Variants in RPRD1A observed in about 807,000 individuals in gnomAD.
The protein encoded by RPRD1A is regulation of nuclear pre-mRNA domain containing 1A.
A neutral mutation model predicts 37.8 loss-of-function variants in RPRD1A; 9 were observed. The ratio of observed to expected loss-of-function variants is 0.24; its 90% confidence interval spans 0.14 to 0.42. The LOEUF is 0.42. RPRD1A is among the 10% of genes least tolerant of loss of function. The probability of loss-of-function intolerance (pLI) is 1.00; values close to 1 mark genes in which losing one functional copy is unlikely to be tolerated. For missense variants in RPRD1A, 255 were observed against 371.0 expected (o/e 0.69, Z 2.57); for synonymous variants, 138 against 139.7 (o/e 0.99, Z 0.08).
chr18:35,998,670 C>G (rs1909239154), intron 6 of RPRD1A, among the ~76,000 whole-genome samples: 1 of 152,174 alleles, frequency 6.6e-6, no homozygotes, highest in Non-Finnish European at 1.5e-5. Flanking sequence ...CCAAGCCCCT[C>G]CAGTCTTCCA....
At chr18:36,017,303 AAC>A (rs149786300) in intron 6 of RPRD1A, among the ~76,000 whole-genome samples, 1 of 151,692 alleles carries the variant, frequency 6.6e-6, no homozygotes, top group Non-Finnish European at 1.5e-5. Context: ...CTTGTCTCAA[AAC>A]ACACACACAC....
In RPRD1A at chr18:36,067,385, G is replaced by A. The variant is rs769263531; in HGVS notation, c.20C>T (p.Ala7Val). The change falls in exon 1 of 7, where the codon GCG becomes GTG. Residue 7 changes from alanine (A) to valine (V), a missense_variant. Physicochemically the swap from Ala to Val is moderately conservative, Grantham distance 64 (BLOSUM62 0). Coordinates refer to ENST00000399022, the MANE Select transcript of RPRD1A (RefSeq NM_018170.5). MSAFSE[A>V]ALEKKLSELS... ...CTCCGACAGCTTCTTCTCCAGCGCC[G>A]CCTCAGAGAAGGCTGACATCCCTCC... The A allele has an allele frequency of 1.4e-5, 22 of 1,607,138 alleles. No homozygotes were observed. The highest frequency in any genetic ancestry group is 1.6e-4 in the Middle Eastern group (1 of 6,082).
chr18:36,051,513 A>G (rs927220144), intron 1 of RPRD1A, among the ~76,000 whole-genome samples: 1 of 152,172 alleles, frequency 6.6e-6, no homozygotes, highest in African/African-American at 2.4e-5. Flanking sequence ...TTCTAAAAGA[A>G]AAAAACAAAT....
intron 1 of RPRD1A, among the ~76,000 whole-genome samples, chr18:36,065,071 T>C (rs1332146091): frequency 6.6e-6 from 1 of 152,098 alleles, no homozygotes; most frequent in East Asian, 1.9e-4. Flanking sequence ...AACATCAGAA[T>C]GAACAAACTC....
chr18:36,051,269 T>C (rs1913370915), intron 1 of RPRD1A, among the ~76,000 whole-genome samples: 2 of 152,284 alleles, frequency 1.3e-5, no homozygotes, highest in Non-Finnish European at 2.9e-5. Flanking sequence ...AGTATCAAAA[T>C]CATTTGACCT....
At chr18:36,047,544 G>A (rs946996355) in intron 1 of RPRD1A, among the ~76,000 whole-genome samples, 6 of 152,052 alleles carry the variant, frequency 3.9e-5, no homozygotes, top group African/African-American at 1.4e-4. Context: ...CAAAGAACTG[G>A]TTATTTGAAA....
chr18:36,035,328 G>A (rs1184325958), intron 1 of RPRD1A, among the ~76,000 whole-genome samples: 1 of 152,108 alleles, frequency 6.6e-6, no homozygotes, highest in Non-Finnish European at 1.5e-5. Flanking sequence ...TCCTTTCACT[G>A]CACTTTTACT....
intron 1 of RPRD1A, among the ~76,000 whole-genome samples, chr18:36,036,413 C>A (rs537619170): frequency 1.2e-4 from 18 of 152,082 alleles, no homozygotes; most frequent in African/African-American, 4.3e-4. Context: ...ATCAATCTCT[C>A]AAAGAATTCA....
At chr18:36,015,424 G>C (rs943274347) in intron 6 of RPRD1A, among the ~76,000 whole-genome samples, 2 of 151,996 alleles carry the variant, frequency 1.3e-5, no homozygotes, top group African/African-American at 4.8e-5. Flanking sequence ...TGTTGGCCAG[G>C]CTGGTCTCAA....
chr18:36,037,239 C>T (rs1912255749), intron 1 of RPRD1A, among the ~76,000 whole-genome samples: 1 of 152,084 alleles, frequency 6.6e-6, no homozygotes, highest in African/African-American at 2.4e-5. Context: ...TTGTGGTTCC[C>T]ATAATCCCAT....
intron 1 of RPRD1A, among the ~76,000 whole-genome samples, chr18:36,057,037 A>G (rs1470675273): frequency 7.7e-6 from 1 of 130,104 alleles, no homozygotes; most frequent in Admixed American, 8.4e-5. Flanking sequence ...CAACACAGCT[A>G]GACCCTGTTT....
intron 1 of RPRD1A, among the ~76,000 whole-genome samples, chr18:36,045,435 G>C (rs1194827070): frequency 6.6e-6 from 1 of 152,074 alleles, no homozygotes; most frequent in African/African-American, 2.4e-5. Context: ...TGTTAAAACA[G>C]AGTACTGGTC....
intron 6 of RPRD1A, among the ~76,000 whole-genome samples, chr18:36,008,571 G>GTATGTATGTA (rs1359543093): frequency 3.6e-5 from 1 of 27,926 alleles, no homozygotes; most frequent in African/African-American, 1.7e-4. Flanking sequence ...GCAAGACCTT[G>GTATGTATGTA]TGTGTGTATA....
intron 1 of RPRD1A, among the ~76,000 whole-genome samples, chr18:36,056,198 T>C (rs1431682409): frequency 1.3e-5 from 2 of 152,106 alleles, no homozygotes; most frequent in African/African-American, 4.8e-5. Context: ...GCCATTAAAC[T>C]GTTAACAGAC....
At chr18:36,004,415 CAACT>C (rs1909612993) in intron 6 of RPRD1A, among the ~76,000 whole-genome samples, 2 of 151,972 alleles carry the variant, frequency 1.3e-5, no homozygotes. Context: ...CCACCACACC[CAACT>C]AATTTTTGTA....
At chr18:36,055,141 T>TA (rs1913671950) in intron 1 of RPRD1A, among the ~76,000 whole-genome samples, 1 of 152,234 alleles carries the variant, frequency 6.6e-6, no homozygotes, top group Non-Finnish European at 1.5e-5. Context: ...TTCAAGATAA[T>TA]ACCTCATGAT....
At chr18:36,050,803 CA>C (rs747505562) in intron 1 of RPRD1A, among the ~76,000 whole-genome samples, 74 of 151,866 alleles carry the variant, frequency 4.9e-4, no homozygotes, top group South Asian at 3.7e-3. Context: ...CCTCAGCTTC[CA>C]AAAGTGTTGG....
At chr18:36,057,539 G>A (rs1913878944) in intron 1 of RPRD1A, among the ~76,000 whole-genome samples, 1 of 152,180 alleles carries the variant, frequency 6.6e-6, no homozygotes, top group African/African-American at 2.4e-5. Context: ...TTAAGCCCAG[G>A]AGGCAGAGGT....
At chr18:36,009,806 T>C (rs1910057233) in intron 6 of RPRD1A, among the ~76,000 whole-genome samples, 1 of 152,220 alleles carries the variant, frequency 6.6e-6, no homozygotes, top group South Asian at 2.1e-4. Flanking sequence ...ACTGAGAAAC[T>C]GGATTTTAAT....
Sources: gnomAD v4.1 joint callset for allele counts (sites outside exome capture counted in the v4.1 genomes callset) on GRCh38, gnomAD v4.1.1 for gene constraint, MANE v1.5 for transcripts, NCBI Gene and HGNC (gene_info 2026-07-23, HGNC 2026-07-21) for gene names.